CADPS: variants seen among roughly 807,000 people sequenced by gnomAD.
The protein encoded by CADPS is calcium-dependent secretion activator 1.
In CADPS, 57 loss-of-function variants were observed where a neutral mutation model predicts 167.3. The ratio of observed to expected loss-of-function variants is 0.34; its 90% CI spans 0.28 to 0.42. The LOEUF (loss-of-function observed/expected upper bound fraction) is 0.42, where lower values mean the gene tolerates loss of function less well. Among genes scored for constraint, CADPS ranks in the 20% least tolerant of loss-of-function variants. The pLI, the probability that CADPS is intolerant of heterozygous loss-of-function variation, is 1.00. For synonymous variants in CADPS, 676 were observed against 635.3 expected, an observed-to-expected ratio of 1.06 and a Z score of -0.96; for missense variants, 1,414 against 1,738.1, an observed-to-expected ratio of 0.81 and a Z score of 3.32.
rs199859107 is a variant in CADPS, at chr3:62,491,556, C to A, written c.2885-76G>T. On this transcript the variant is annotated intron_variant, in intron 20 of 29. Coordinates refer to ENST00000383710, the MANE Select transcript of CADPS (RefSeq NM_003716.4). ...CGTACAACACACACACACACACACA[C>A]AAACACACACACACACACACACACA... is the stretch of plus-strand genomic sequence containing the variant. The A allele has an allele frequency of 8.5e-3, 5,299 of 621,872 alleles. 7 individuals carry two copies. Among genetic ancestry groups the A allele is most frequent in the African/African-American group, 0.016 (579 of 35,692 alleles). 38.5% of individuals were successfully genotyped at this position (621,872 alleles called of 1,614,324 possible).
chr3:62,494,392 G>A (rs1167609316), intron 18 of CADPS, among the ~76,000 whole-genome samples: 1 of 152,140 alleles, frequency 6.6e-6, no homozygotes, highest in Non-Finnish European at 1.5e-5. Flanking sequence ...ACCCCTGTGT[G>A]GAAGGCTGAC....
chr3:62,635,918 G>GT (rs1390132729), intron 6 of CADPS, among the ~76,000 whole-genome samples: 1 of 151,950 alleles, frequency 6.6e-6, no homozygotes, highest in African/African-American at 2.4e-5. Flanking sequence ...TTGCTATATA[G>GT]TTTTTTTCCA....
chr3:62,643,415 C>A (rs56134765), intron 6 of CADPS, among the ~76,000 whole-genome samples: 33 of 152,256 alleles, frequency 2.2e-4, no homozygotes, highest in African/African-American at 7.0e-4. Flanking sequence ...GAAGAGGAAT[C>A]AAAAATGTAT....
At chr3:62,457,279 G>T (rs2058803195) in intron 26 of CADPS, among the ~76,000 whole-genome samples, 1 of 152,142 alleles carries the variant, frequency 6.6e-6, no homozygotes, top group Admixed American at 6.5e-5. Context: ...GGCAACTAAG[G>T]TCAGAGATTA....
rs2072677652 is a variant in CADPS, at chr3:62,659,689, T to C, written c.969+2625A>G. Among the ~76,000 whole-genome samples the C allele has an allele frequency of 2.6e-5, 4 of 152,230 alleles. No individual in the cohort carries two copies. The South Asian group carries it at 8.3e-4, about 32-fold the overall frequency. On this transcript the variant is annotated intron_variant, in intron 4 of 29. Transcript: ENST00000383710. ...GGCCCTACGAAGGAATTCATTGGTT[T>C]AGTTTGCATCAAGTTTCCATTTCTG... is the stretch of plus-strand genomic sequence containing the variant.
At chr3:62,434,018 A>G (rs1268526028) in intron 28 of CADPS, among the ~76,000 whole-genome samples, 1 of 152,176 alleles carries the variant, frequency 6.6e-6, no homozygotes, top group Non-Finnish European at 1.5e-5. Flanking sequence ...ATTATTTCAT[A>G]TCCATGTTTT....
chr3:62,643,558 T>C (rs2067888656), intron 6 of CADPS, among the ~76,000 whole-genome samples: 1 of 152,252 alleles, frequency 6.6e-6, no homozygotes, highest in African/African-American at 2.4e-5. Context: ...CCAATCATTC[T>C]GTAATTATTT....
intron 13 of CADPS, among the ~76,000 whole-genome samples, chr3:62,520,731 G>GT (rs1283636978): frequency 6.6e-6 from 1 of 152,146 alleles, no homozygotes; most frequent in Non-Finnish European, 1.5e-5. Flanking sequence ...AATGGTATTG[G>GT]TAACAGGAGA....
chr3:62,669,583 G>A (rs1032928372), intron 3 of CADPS, among the ~76,000 whole-genome samples: 1 of 152,124 alleles, frequency 6.6e-6, no homozygotes, highest in South Asian at 2.1e-4. Flanking sequence ...TGTAGAACAC[G>A]GTCAGCAGGT....
At chr3:62,841,979 C>T (rs878880167) in intron 1 of CADPS, among the ~76,000 whole-genome samples, 6 of 152,250 alleles carry the variant, frequency 3.9e-5, no homozygotes, top group Non-Finnish European at 7.4e-5. Context: ...ATCTTAGACA[C>T]GAATGTAGAT....
intron 1 of CADPS, among the ~76,000 whole-genome samples, chr3:62,807,932 G>T (rs1358378429): frequency 6.6e-6 from 1 of 151,802 alleles, no homozygotes; most frequent in African/African-American, 2.4e-5. Flanking sequence ...GGAGTGCAAT[G>T]GTGTAATCTC....
At chr3:62,668,336 A>G (rs1029313001) in intron 3 of CADPS, among the ~76,000 whole-genome samples, 1 of 152,124 alleles carries the variant, frequency 6.6e-6, no homozygotes, top group African/African-American at 2.4e-5. Context: ...ACCTCAGACT[A>G]ATGGTGTGGC....
chr3:62,806,238 C>T (rs554876699), intron 1 of CADPS, among the ~76,000 whole-genome samples: 19 of 151,896 alleles, frequency 1.3e-4, no homozygotes, highest in African/African-American at 3.4e-4. Context: ...AAAGTAATTA[C>T]GTTGTGTACA....
intron 9 of CADPS, among the ~76,000 whole-genome samples, chr3:62,565,464 A>G (rs1261214440): frequency 6.6e-6 from 1 of 152,264 alleles, no homozygotes; most frequent in African/African-American, 2.4e-5. Flanking sequence ...CCTTTGGACC[A>G]CCTGCATCAG....
At chr3:62,567,564 CTTTTTTTTTTTTTTT>C (rs10561022) in intron 9 of CADPS, among the ~76,000 whole-genome samples, 25 of 33,850 alleles carry the variant, frequency 7.4e-4, no homozygotes, top group South Asian at 4.5e-3. Flanking sequence ...CTAAGCACTG[CTTTTTTTTTTTTTTT>C]TTTTTTTTTT....
chr3:62,603,863 G>C (rs1487497445), intron 6 of CADPS, among the ~76,000 whole-genome samples: 2 of 151,630 alleles, frequency 1.3e-5, no homozygotes, highest in Non-Finnish European at 2.9e-5. Flanking sequence ...GTCTCGCTCT[G>C]TCACCCAGGC....
At chr3:62,593,132 T>TG (rs2086435470) in intron 6 of CADPS, among the ~76,000 whole-genome samples, 1 of 152,228 alleles carries the variant, frequency 6.6e-6, no homozygotes, top group East Asian at 1.9e-4. Context: ...CATCTTGGGA[T>TG]GGGGCTTCAT....
intron 1 of CADPS, among the ~76,000 whole-genome samples, chr3:62,869,387 GAACC>G (rs1481922239): frequency 6.6e-6 from 1 of 152,026 alleles, no homozygotes; most frequent in Non-Finnish European, 1.5e-5. Context: ...CTGTCACTTA[GAACC>G]AACAGAATCT....
chr3:62,411,588 T>C (rs1356397094), intron 28 of CADPS, among the ~76,000 whole-genome samples: 3 of 152,236 alleles, frequency 2.0e-5, no homozygotes, highest in African/African-American at 7.2e-5. Context: ...TCAGGGTTTC[T>C]TTACACTTCC....
Sources: allele counts gnomAD v4.1 joint callset (sites outside exome capture counted in the v4.1 genomes callset), GRCh38; gene constraint gnomAD v4.1.1; transcripts MANE v1.5; gene names NCBI Gene and HGNC (gene_info 2026-07-23, HGNC 2026-07-21).